The following UBE2R2 variants were observed in gnomAD, a reference collection of about 807,000 sequenced individuals.
The protein encoded by UBE2R2 is ubiquitin conjugating enzyme E2 R2.
UBE2R2 carries 1 observed loss-of-function variant against 27.8 expected under a neutral mutation model. The observed-to-expected ratio is 0.04, with a 90% confidence interval of 0.01 to 0.17. UBE2R2 has a LOEUF of 0.17. Ranked by LOEUF, UBE2R2 falls within the 10% of genes least tolerant of loss-of-function variation. The pLI is 1.00. For missense variants in UBE2R2, 100 were observed against 291.0 expected (o/e 0.34, Z 4.78); for synonymous variants, 106 against 113.3 (o/e 0.94, Z 0.41).
intron 1 of UBE2R2, among the ~76,000 whole-genome samples, chr9:33,879,452 T>C (rs1045843435): frequency 4.6e-5 from 7 of 152,170 alleles, no homozygotes; most frequent in African/African-American, 1.7e-4. Flanking sequence ...CCCTAAGTAA[T>C]CTTAACAAGA....
chr9:33,884,677 T>C (rs906536196), intron 1 of UBE2R2, among the ~76,000 whole-genome samples: 30 of 152,232 alleles, frequency 2.0e-4, no homozygotes, highest in Non-Finnish European at 4.4e-4. Flanking sequence ...TGATTTTCTT[T>C]AGTCCTTTGA....
At chr9:33,892,323 T>C (rs1822006122) in intron 2 of UBE2R2, among the ~76,000 whole-genome samples, 2 of 152,216 alleles carry the variant, frequency 1.3e-5, no homozygotes, top group Admixed American at 1.3e-4. Context: ...TAACACTTTC[T>C]TTACTACAGA....
At chr9:33,880,946 C>T (rs1259867071) in intron 1 of UBE2R2, among the ~76,000 whole-genome samples, 1 of 152,190 alleles carries the variant, frequency 6.6e-6, no homozygotes, top group Non-Finnish European at 1.5e-5. Context: ...GAAAAATTGT[C>T]TTCAATGAAA....
At chr9:33,896,349 G>A (rs1822104270) in intron 2 of UBE2R2, among the ~76,000 whole-genome samples, 1 of 152,060 alleles carries the variant, frequency 6.6e-6, no homozygotes, top group Non-Finnish European at 1.5e-5. Flanking sequence ...TAGCAGTGGT[G>A]AAAGCAGGCA....
Position 33,912,104 on chromosome 9 carries a change from GT to G in UBE2R2, c.497+17del, listed in dbSNP as rs148101204. ...GAATATGCTGAAATTATTAGGTAAG[GT>G]TTTTTTTTTTATTACCTCAAGTTAT... On this transcript the variant is annotated splice_region_variant and intron_variant, in intron 4 of 4. Coordinates refer to ENST00000263228, the MANE Select transcript of UBE2R2 (RefSeq NM_017811.4). 0.12 allele frequency: 153,070 copies of G among 1,281,026 alleles called. 5,170 individuals carry two copies. Among genetic ancestry groups the G allele is most frequent in the Non-Finnish European group, 0.13 (125,758 of 942,378 alleles). The allele number at this position is 1,281,026 out of a possible 1,614,324, so 79.4% of individuals were successfully genotyped here.
At chr9:33,842,348 C>T (rs1820749784) in intron 1 of UBE2R2, among the ~76,000 whole-genome samples, 1 of 152,070 alleles carries the variant, frequency 6.6e-6, no homozygotes, top group African/African-American at 2.4e-5. Context: ...CTGCAGTGAG[C>T]CTTATGGCAC....
Position 33,845,243 on chromosome 9 carries a change from G to A in UBE2R2, c.177+27309G>A, listed in dbSNP as rs568926579. On this transcript the variant is annotated intron_variant, in intron 1 of 4. Transcript: ENST00000263228. ...TTGTTGCCCAGGCTGGAGTGCAGTG[G>A]CACAATCTTTTTTTTTTTTTTTAGA... is the stretch of plus-strand genomic sequence containing the variant. Among the ~76,000 whole-genome samples the A allele has an allele frequency of 2.5e-3, 384 of 150,798 alleles. 1 individual carries two copies. The highest frequency in any genetic ancestry group is 8.2e-3 in the African/African-American group (337 of 41,276).
chr9:33,816,663 C>G (rs748632257), upstream of UBE2R2, among the ~76,000 whole-genome samples: 12 of 152,214 alleles, frequency 7.9e-5, no homozygotes, highest in Non-Finnish European at 1.5e-4. Context: ...CGAAAAGACC[C>G]ACATTGTCAG....
chr9:33,886,253 TATAAA>T (rs1288149153), intron 1 of UBE2R2, among the ~76,000 whole-genome samples: 23 of 152,356 alleles, frequency 1.5e-4, no homozygotes, highest in African/African-American at 5.5e-4. Flanking sequence ...ATTATTTTGT[TATAAA>T]AATAAAATGT....
At chr9:33,906,425 G>A (rs1471343142) in intron 3 of UBE2R2, among the ~76,000 whole-genome samples, 1 of 152,072 alleles carries the variant, frequency 6.6e-6, no homozygotes, top group African/African-American at 2.4e-5. Context: ...CCTGGCATAA[G>A]CTTAGATTTT....
intron 1 of UBE2R2, among the ~76,000 whole-genome samples, chr9:33,830,370 T>G (rs1820437028): frequency 6.7e-6 from 1 of 148,670 alleles, no homozygotes; most frequent in Admixed American, 6.7e-5. Flanking sequence ...TTGGCCAGGC[T>G]GGTCTCGAAC....
At chr9:33,853,712 G>T (rs1176464630) in intron 1 of UBE2R2, among the ~76,000 whole-genome samples, 4 of 150,464 alleles carry the variant, frequency 2.7e-5, no homozygotes, top group South Asian at 4.2e-4. Context: ...ACAGTCCTCA[G>T]TTTTATGGCC....
chr9:33,868,270 G>A (rs949230280), intron 1 of UBE2R2, among the ~76,000 whole-genome samples: 1 of 152,080 alleles, frequency 6.6e-6, no homozygotes, highest in Non-Finnish European at 1.5e-5. Flanking sequence ...ACAGGATAGG[G>A]GCGGGGCAGG....
chr9:33,896,293 T>A (rs1822103289), intron 2 of UBE2R2, among the ~76,000 whole-genome samples: 2 of 152,168 alleles, frequency 1.3e-5, no homozygotes, highest in Admixed American at 6.6e-5. Context: ...TTTTTTCTTT[T>A]CCTTGTCTAA....
intron 1 of UBE2R2, among the ~76,000 whole-genome samples, chr9:33,867,519 T>C (rs571011653): frequency 6.6e-6 from 1 of 152,360 alleles, no homozygotes; most frequent in African/African-American, 2.4e-5. Context: ...GTACCTGTTC[T>C]GCATTCCTAT....
rs937344587 is a variant in UBE2R2, at chr9:33,846,230, A to T, written c.177+28296A>T. The stretch of plus-strand genomic sequence containing the variant: ...GGAATCACTTGAACCCAGGAAGCAG[A>T]GGTTGCTCTGAGCCAAGATTGCACC... On this transcript the variant is annotated intron_variant, in intron 1 of 4. Transcript: ENST00000263228. Among the ~76,000 whole-genome samples, 3 of 152,140 alleles carry T rather than the reference A, an allele frequency of 2.0e-5. No individual in the cohort carries two copies. In the South Asian group the frequency reaches 6.2e-4, roughly 32 times the overall value.
intron 1 of UBE2R2, among the ~76,000 whole-genome samples, chr9:33,849,879 C>T (rs930851291): frequency 1.3e-4 from 20 of 152,138 alleles, no homozygotes; most frequent in African/African-American, 4.8e-4. Flanking sequence ...CTTACACCAA[C>T]CCAATGAGAC....
chr9:33,825,731 A>G (rs1381753858), intron 1 of UBE2R2, among the ~76,000 whole-genome samples: 1 of 152,244 alleles, frequency 6.6e-6, no homozygotes, highest in Non-Finnish European at 1.5e-5. Context: ...GTATAAATTC[A>G]GAGTTTAGGA....
At chr9:33,822,939 C>G (rs1820190060) in intron 1 of UBE2R2, among the ~76,000 whole-genome samples, 1 of 129,114 alleles carries the variant, frequency 7.7e-6, no homozygotes, top group Admixed American at 8.6e-5. Flanking sequence ...GAGTCTCGCT[C>G]TGTTGCTCAG....
Sources: gnomAD v4.1 joint callset for allele counts (sites outside exome capture counted in the v4.1 genomes callset) on GRCh38, gnomAD v4.1.1 for gene constraint, MANE v1.5 for transcripts, NCBI Gene and HGNC (gene_info 2026-07-23, HGNC 2026-07-21) for gene names.